The following KATNAL2 variants were observed in gnomAD, a reference collection of about 807,000 sequenced individuals.
The protein encoded by KATNAL2 is katanin catalytic subunit A1 like 2.
KATNAL2 carries 52 observed loss-of-function variants against 76.3 expected under a neutral mutation model. The observed-to-expected ratio is 0.68, with a 90% CI of 0.55 to 0.86. KATNAL2 has a LOEUF of 0.86. Ranked by LOEUF, KATNAL2 falls within the 40% of genes least tolerant of loss-of-function variation. The pLI is 0.00. For missense variants in KATNAL2, 660 were observed against 668.9 expected, an observed-to-expected ratio of 0.99 and a Z score of 0.15; for synonymous variants, 243 against 244.2, an observed-to-expected ratio of 1.00 and a Z score of 0.05.
intron 1 of KATNAL2, among the ~76,000 whole-genome samples, chr18:46,940,517 A>G (rs1488091433): frequency 2.0e-5 from 3 of 152,286 alleles, no homozygotes; most frequent in Middle Eastern, 3.4e-3. Flanking sequence ...AGTTTTAACA[A>G]TATATATTCA....
rs1445483392 is a variant in KATNAL2 at position 47,035,419 on chromosome 18, C to G, written c.52-11038C>G. On this transcript the variant is annotated intron_variant, in intron 3 of 17. Coordinates refer to ENST00000683218, the MANE Select transcript of KATNAL2 (RefSeq NM_001387690.1). ...CACAGCCTGGAGCGAGCTGGGTCCT[C>G]GGAGCAGCAGGCCACTTGGTCTGGA... 5.5e-6 allele frequency: 8 copies of G among 1,458,680 alleles called. No individual in the cohort carries two copies. The East Asian group carries it at 9.9e-5, about 18-fold the overall frequency. The allele number at this position is 1,458,680 out of a possible 1,614,324, so 90.4% of individuals were successfully genotyped here. A position where few individuals can be genotyped will look rare whatever the true frequency, so the allele number is the denominator to read the frequency against.
chr18:47,097,809 G>A (rs1049240739), intron 15 of KATNAL2, among the ~76,000 whole-genome samples: 7 of 152,176 alleles, frequency 4.6e-5, no homozygotes, highest in African/African-American at 1.4e-4. Context: ...GGGGTTTGCT[G>A]TACAGATTAT....
intron 1 of KATNAL2, among the ~76,000 whole-genome samples, chr18:46,924,906 T>A (rs2058680992): frequency 6.6e-6 from 1 of 152,232 alleles, no homozygotes; most frequent in Non-Finnish European, 1.5e-5. Context: ...TGTATAAGAA[T>A]GCTTGCGATT....
At chr18:47,063,461 T>C in intron 10 of KATNAL2, 100 bp downstream of exon 10, 1 of 863,204 alleles carries the variant, frequency 1.2e-6, no homozygotes, top group Non-Finnish European at 1.8e-6. Flanking sequence ...ATATGATCAT[T>C]TATTTATAAA....
Position 46,933,609 on chromosome 18 carries a change from A to T in KATNAL2, c.-509-12448A>T, listed in dbSNP as rs146792382. On this transcript the variant is annotated intron_variant, in intron 1 of 17. Coordinates refer to ENST00000683218, the MANE Select transcript of KATNAL2 (RefSeq NM_001387690.1). ...AAAATTATCTCCACAATAAGGTATCATCAGCCTAAATGTCAAAATATCTTT... is the reference window on the plus strand; with the variant it reads ...AAAATTATCTCCACAATAAGGTATCTTCAGCCTAAATGTCAAAATATCTTT... 1.4e-4 allele frequency among the ~76,000 whole-genome samples: 22 copies of T among 152,076 alleles called. No homozygotes were observed. In the East Asian group the frequency reaches 3.9e-3, roughly 27 times the overall value.
chr18:47,068,756 T>C (rs2147191825), intron 11 of KATNAL2, among the ~76,000 whole-genome samples: 1 of 152,330 alleles, frequency 6.6e-6, no homozygotes, highest in Non-Finnish European at 1.5e-5. Context: ...CCCCTGAATA[T>C]TCCCAACTTC....
intron 4 of KATNAL2, among the ~76,000 whole-genome samples, chr18:47,051,199 T>C (rs537024117): frequency 2.0e-5 from 3 of 152,146 alleles, no homozygotes; most frequent in African/African-American, 7.2e-5. Context: ...TCATTCAAGC[T>C]CAGCTCACTT....
At chr18:47,032,833 G>C in intron 3 of KATNAL2, 1 of 1,315,086 alleles carries the variant, frequency 7.6e-7, no homozygotes, top group Non-Finnish European at 1.0e-6. Flanking sequence ...GTGGCTGGGT[G>C]TGGGAGGCAA....
At chr18:47,090,039 C>T (rs892568296) in intron 15 of KATNAL2, among the ~76,000 whole-genome samples, 1 of 152,210 alleles carries the variant, frequency 6.6e-6, no homozygotes, top group Non-Finnish European at 1.5e-5. Flanking sequence ...CCACCTGCCT[C>T]GGCCTCCCAA....
intron 3 of KATNAL2, among the ~76,000 whole-genome samples, chr18:46,948,832 G>A (rs1171514983): frequency 6.6e-6 from 1 of 151,910 alleles, no homozygotes; most frequent in East Asian, 1.9e-4. Context: ...ATATGGGTAG[G>A]ACAATGGATC....
intron 1 of KATNAL2, among the ~76,000 whole-genome samples, chr18:46,942,330 T>A (rs9959877): frequency 0.45 from 68,917 of 152,018 alleles, 15,712 homozygotes; most frequent in Middle Eastern, 0.54. Context: ...CAGAAGTTCA[T>A]TTTGGGTCAG....
In KATNAL2 at chr18:47,044,790, C is replaced by A. The variant is rs1327578182; in HGVS notation, c.52-1667C>A. Among the ~76,000 whole-genome samples the A allele has an allele frequency of 3.2e-3, 440 of 136,798 alleles. 2 individuals carry two copies. The highest frequency in any genetic ancestry group is 8.9e-3 in the Middle Eastern group (2 of 224). The allele number at this position is 136,798 out of a possible 152,430, so 89.7% of individuals were successfully genotyped here. On this transcript the variant is annotated intron_variant, in intron 3 of 17. Coordinates refer to ENST00000683218, the MANE Select transcript of KATNAL2 (RefSeq NM_001387690.1). Reference sequence around the variant, plus strand: ...AAAAAAACAAAAACAAAAACAAAAACAGTTTAAAATGGGTCCGGTGTGGTG... The same window carrying A: ...AAAAAAACAAAAACAAAAACAAAAAAAGTTTAAAATGGGTCCGGTGTGGTG...
chr18:46,963,743 GCT>G, intron 3 of KATNAL2: 1 of 855,330 alleles, frequency 1.2e-6, no homozygotes, highest in Non-Finnish European at 1.6e-6. Context: ...CCTTGCTGTG[GCT>G]CCCCACCGCT....
intron 3 of KATNAL2, chr18:47,035,478 C>T (rs2060729841): frequency 2.0e-6 from 2 of 1,024,364 alleles, no homozygotes; most frequent in Non-Finnish European, 2.8e-6. Context: ...AGCAGGCCCG[C>T]TTTTGTTCCT....
In KATNAL2 at chr18:46,957,246, C is replaced by CTTTT. The variant is rs1429850421; in HGVS notation, c.51+10325_51+10326insTTTT. 4.1e-4 allele frequency among the ~76,000 whole-genome samples: 52 copies of CTTTT among 128,074 alleles called. 1 individual carries two copies. Among genetic ancestry groups the CTTTT allele is most frequent in the African/African-American group, 1.5e-3 (50 of 34,152 alleles). The allele number at this position is 128,074 out of a possible 152,430, so 84.0% of individuals were successfully genotyped here. A position where few individuals can be genotyped will look rare whatever the true frequency, so the allele number is the denominator to read the frequency against. ...TAGATTGAGAAAAGCAGATTGCCCT[C>CTTTT]TTCTTTTTTTTTTTTTTTTTTTTTT... On this transcript the variant is annotated intron_variant, in intron 3 of 17. Coordinates refer to ENST00000683218, the MANE Select transcript of KATNAL2 (RefSeq NM_001387690.1).
chr18:47,031,273 C>G (rs564321239), intron 3 of KATNAL2, among the ~76,000 whole-genome samples: 1 of 151,962 alleles, frequency 6.6e-6, no homozygotes, highest in Non-Finnish European at 1.5e-5. Flanking sequence ...ACGGTTTGGG[C>G]AGCGGAGTTC....
intron 10 of KATNAL2, among the ~76,000 whole-genome samples, chr18:47,063,878 C>T (rs1412872583): frequency 6.6e-6 from 1 of 152,232 alleles, no homozygotes; most frequent in Non-Finnish European, 1.5e-5. Context: ...AATTAGCTGA[C>T]CTGCCTTTGA....
At chr18:47,066,847 T>TATATATATA (rs2061812332) in intron 10 of KATNAL2, among the ~76,000 whole-genome samples, 174 bp from the exon 11 acceptor site, 1 of 29,584 alleles carries the variant, frequency 3.4e-5, no homozygotes, top group African/African-American at 1.1e-4. Context: ...ATATATGTGT[T>TATATATATA]TATATATATA....
intron 1 of KATNAL2, among the ~76,000 whole-genome samples, chr18:46,932,869 A>T (rs375234684): frequency 6.6e-6 from 1 of 151,520 alleles, no homozygotes; most frequent in Admixed American, 6.6e-5. Flanking sequence ...GGTTCAAGCG[A>T]TTCTCCTGCC....
Sources: allele counts gnomAD v4.1 joint callset (sites outside exome capture counted in the v4.1 genomes callset), GRCh38; gene constraint gnomAD v4.1.1; transcripts MANE v1.5; gene names NCBI Gene and HGNC (gene_info 2026-07-23, HGNC 2026-07-21).